Variants in HAX1 observed in about 807,000 individuals in gnomAD.
HAX1 encodes the protein HCLS1 associated protein X-1.
A neutral mutation model predicts 31.1 loss-of-function variants in HAX1; 27 were observed. That is an observed-to-expected ratio of 0.87 (90% confidence interval 0.64 to 1.20). The LOEUF is 1.20. Ranked by LOEUF, HAX1 falls within the 50% of genes most tolerant of loss-of-function variation. The pLI is 0.00. For missense variants in HAX1, 357 were observed against 361.6 expected (o/e 0.99, Z 0.10); for synonymous variants, 114 against 124.1 (o/e 0.92, Z 0.54).
rs747026228 is a variant in HAX1 at position 154,273,492 on chromosome 1, A to AG, written c.212dup (p.Gly72ArgfsTer7). The AG allele has an allele frequency of 1.9e-6, 3 of 1,614,130 alleles. No individual in the cohort carries two copies. The highest frequency in any genetic ancestry group is 2.5e-6 in the Non-Finnish European group (3 of 1,180,014). On this transcript the variant is annotated frameshift_variant, in exon 2 of 7. Transcript: ENST00000328703. LOFTEE classifies it high-confidence loss of function. ...GCTTCGGCTTCAGCTTCAGCCCAGG[A>AG]GGAGGGATACGTTTCCACGATAACT...
At chr1:154,275,590 T>G (rs1256082201) in intron 6 of HAX1, 26 bp from the exon 7 acceptor site, 1 of 1,595,772 alleles carries the variant, frequency 6.3e-7, no homozygotes, top group African/African-American at 1.3e-5. Flanking sequence ...ATTTAGCCTA[T>G]TTACGTGTAT....
rs1572019663 is a variant in HAX1 at position 154,275,218 on chromosome 1, T to C, written c.621T>C (p.Tyr207=). The C allele has an allele frequency of 6.2e-7, 1 of 1,613,924 alleles. No individual in the cohort carries two copies. The highest frequency in any genetic ancestry group is 8.5e-7 in the Non-Finnish European group (1 of 1,179,768). ...GPVLQPQPKS[Y]FKSISVTKIT... ...TTCTACAGCCCCAGCCCAAATCCTATTTCAAGAGCATCTCTGTGACCAAGA... is the reference window on the plus strand; with the variant it reads ...TTCTACAGCCCCAGCCCAAATCCTACTTCAAGAGCATCTCTGTGACCAAGA... Residue 207 remains tyrosine, a synonymous_variant, in exon 5 of 7, where the codon TAT becomes TAC. Transcript: ENST00000328703.
intron 4 of HAX1, 30 bp downstream of exon 4, chr1:154,275,031 GC>G (rs1355247121): frequency 6.3e-7 from 1 of 1,579,012 alleles, no homozygotes; most frequent in Non-Finnish European, 8.7e-7. Flanking sequence ...AAGTTTACCA[GC>G]CTTTTGTTAT....
chr1:154,274,005 C>T (rs1237328051), intron 3 of HAX1, 44 bp downstream of exon 3: 3 of 1,556,232 alleles, frequency 1.9e-6, no homozygotes, highest in Non-Finnish European at 2.7e-6. Flanking sequence ...TGTGAGAGAC[C>T]ACTAATAAAG....
At chr1:154,272,958 A>G (rs1684827841) in intron 1 of HAX1, 182 bp downstream of exon 1, 2 of 660,404 alleles carry the variant, frequency 3.0e-6, no homozygotes, top group Non-Finnish European at 5.4e-6. Context: ...GAGGAGAAAC[A>G]GCAAACTAAG....
In HAX1 at chr1:154,272,759, C is replaced by G. The variant is rs201477841; in HGVS notation, c.36C>G (p.Gly12=). The G allele has an allele frequency of 2.8e-5, 45 of 1,614,152 alleles. No homozygotes were observed. The East Asian group carries it at 4.2e-4, about 15-fold the overall frequency. Residue 12 remains glycine, a synonymous_variant, in exon 1 of 7, where the codon GGC becomes GGG. Transcript: ENST00000328703. ...SLFDLFRGFF[G]FPGPRSHRDP... is the part of the protein sequence containing the mutation. ...TTGATCTCTTCCGGGGCTTTTTCGG[C>G]TTTCCTGGACCTCGGAGGTGAGAGT...
intron 3 of HAX1, 105 bp downstream of exon 3, chr1:154,274,066 G>A: frequency 9.7e-7 from 1 of 1,028,616 alleles, no homozygotes. Context: ...CCAGCACTTT[G>A]GGAGGCCGAG....
intron 1 of HAX1, 114 bp from the exon 2 acceptor site, chr1:154,273,222 C>T (rs1684847659): frequency 1.4e-5 from 17 of 1,218,582 alleles, no homozygotes; most frequent in Non-Finnish European, 1.9e-5. Flanking sequence ...AGTCCTCCGA[C>T]CCTCTCCCTA....
rs1396375707 is a variant in HAX1 at position 154,272,636 on chromosome 1, C to T, written c.-88C>T. ...TTTCCGGTAGCGTGGGCTGACGCCT[C>T]GCTCAATTTCTCACAGGGCTGCGCA... is the stretch of plus-strand genomic sequence containing the variant. On this transcript the variant is annotated 5_prime_UTR_variant, in exon 1 of 7. Transcript: ENST00000328703. The T allele has an allele frequency of 1.5e-6, 2 of 1,369,500 alleles. No homozygotes were observed. 84.8% of individuals were successfully genotyped at this position (1,369,500 alleles called of 1,614,324 possible). A position where few individuals can be genotyped will look rare whatever the true frequency, so the allele number is the denominator to read the frequency against.
Position 154,273,540 on chromosome 1 carries a change from A to G in HAX1, c.258A>G (p.Arg86=). The change falls in exon 2 of 7, where the codon CGA becomes CGG. Residue 86 remains arginine (R), a synonymous_variant. Coordinates refer to ENST00000328703, the MANE Select transcript of HAX1 (RefSeq NM_006118.4). ...ACTTCGGCTTTGATGACCTAGTACG[A>G]GATTTCAATAGCATCTTCAGCGATA... ...HDNFGFDDLV[R]DFNSIFSDMG... 1 of 1,614,110 alleles carries G rather than the reference A, an allele frequency of 6.2e-7. No homozygotes were observed. The highest frequency in any genetic ancestry group is 1.1e-5 in the South Asian group (1 of 91,078).
intron 3 of HAX1, among the ~76,000 whole-genome samples, chr1:154,274,273 A>AG (rs1268297243): frequency 6.6e-6 from 1 of 152,062 alleles, no homozygotes; most frequent in African/African-American, 2.4e-5. Context: ...TTTGAGACCC[A>AG]GCCTTGCTCT....
At chr1:154,275,589 A>T in intron 6 of HAX1, 27 bp from the exon 7 acceptor site, 2 of 1,593,692 alleles carry the variant, frequency 1.3e-6, no homozygotes, top group South Asian at 2.2e-5. Flanking sequence ...CATTTAGCCT[A>T]TTTACGTGTA....
At position 154,275,735 on chromosome 1, in the gene HAX1, C is replaced by G. The variant is rs759997225; in HGVS notation, c.*34C>G. On this transcript the variant is annotated 3_prime_UTR_variant, in exon 7 of 7. Transcript: ENST00000328703. ...ACCCTCAGAGGCCTTCAAGTCCTTT[C>G]CACCTCTCACCCATTGCCCACCATT... 4.0e-5 allele frequency: 55 copies of G among 1,372,418 alleles called. No individual in the cohort carries two copies. The highest frequency in any genetic ancestry group is 5.6e-5 in the Non-Finnish European group (54 of 960,140). The allele number at this position is 1,372,418 out of a possible 1,614,324, so 85.0% of individuals were successfully genotyped here.
At chr1:154,274,368 C>A (rs1187604653) in intron 3 of HAX1, among the ~76,000 whole-genome samples, 1 of 152,128 alleles carries the variant, frequency 6.6e-6, no homozygotes, top group Non-Finnish European at 1.5e-5. Context: ...CTGCCTCAGC[C>A]TCCTGAGTAG....
intron 3 of HAX1, among the ~76,000 whole-genome samples, chr1:154,274,696 A>C (rs931780480): frequency 3.3e-5 from 5 of 152,158 alleles, no homozygotes; most frequent in Admixed American, 3.3e-4. Flanking sequence ...AAAACAAAAA[A>C]ACACCACTGG....
intron 1 of HAX1, chr1:154,273,027 T>C: frequency 1.6e-6 from 1 of 610,880 alleles, no homozygotes. Flanking sequence ...CGTGAGGGTC[T>C]GGGGAATAAG....
chr1:154,273,617 G>A lies in HAX1; in HGVS notation c.316+19G>A, dbSNP rs747989063. 1.7e-5 allele frequency: 28 copies of A among 1,613,490 alleles called. No homozygotes were observed. In the Admixed American group the frequency reaches 2.8e-4, roughly 16 times the overall value. ...CCTCCTGGTGTGTGGCTTTCCCTAA[G>A]GGGCAACCTGTGGTTTCTGGTGGGT... is the stretch of plus-strand genomic sequence containing the variant. On this transcript the variant is annotated intron_variant, in intron 2 of 6. Transcript: ENST00000328703.
intron 5 of HAX1, 52 bp downstream of exon 5, chr1:154,275,312 T>C: frequency 6.4e-7 from 1 of 1,554,488 alleles, no homozygotes; most frequent in South Asian, 1.1e-5. Context: ...ACGAATGCCC[T>C]GAAACAGGGA....
Position 154,275,619 on chromosome 1 carries a change from C to T in HAX1, c.758C>T (p.Pro253Leu), listed in dbSNP as rs1334182457. 1 of 1,612,996 alleles carries T rather than the reference C, an allele frequency of 6.2e-7. No homozygotes were observed. Among genetic ancestry groups the T allele is most frequent in the Non-Finnish European group, 8.5e-7 (1 of 1,179,080 alleles). Reference sequence around the variant, plus strand: ...CGTGTATGACTTTCTTCCTTAGATCCAGAATCACCAAGACCTCCAGCCCTG... The same window carrying T: ...CGTGTATGACTTTCTTCCTTAGATCTAGAATCACCAAGACCTCCAGCCCTG... ...HEADSSPRGD[P>L]ESPRPPALDD... is the part of the protein sequence containing the mutation. The change falls in exon 7 of 7, where the codon CCA becomes CTA. Residue 253 changes from proline to leucine, a missense_variant. Transcript: ENST00000328703.
Sources: allele counts gnomAD v4.1 joint callset (sites outside exome capture counted in the v4.1 genomes callset), GRCh38; gene constraint gnomAD v4.1.1; transcripts MANE v1.5; gene names NCBI Gene and HGNC (gene_info 2026-07-23, HGNC 2026-07-21).